Variants in RGS9 observed in about 807,000 individuals in gnomAD.
RGS9 encodes the protein regulator of G-protein signalling 9.
In RGS9, 78 loss-of-function variants were observed where a neutral mutation model predicts 102.0. The observed-to-expected ratio is 0.76, with a 90% CI of 0.64 to 0.92. The LOEUF (loss-of-function observed/expected upper bound fraction) is 0.92. Ranked by LOEUF, RGS9 falls within the 40% of genes least tolerant of loss-of-function variation. The pLI is 0.00. For missense variants in RGS9, 833 were observed against 866.1 expected (o/e 0.96, Z 0.48); for synonymous variants, 353 against 318.6 (o/e 1.11, Z -1.15).
chr17:65,194,765 T>G, intron 12 of RGS9, among the ~76,000 whole-genome samples: 1 of 151,192 alleles, frequency 6.6e-6, no homozygotes, highest in African/African-American at 2.4e-5. Flanking sequence ...CAGGCCTGAG[T>G]GTGTGAGGGA....
intron 17 of RGS9, among the ~76,000 whole-genome samples, chr17:65,219,300 G>GT (rs1913616964): frequency 6.6e-6 from 1 of 152,236 alleles, no homozygotes; most frequent in Non-Finnish European, 1.5e-5. Context: ...ATGTTTGGTA[G>GT]TGAAGGGACT....
intron 6 of RGS9, among the ~76,000 whole-genome samples, chr17:65,162,701 C>A (rs149207424): frequency 1.3e-5 from 2 of 151,718 alleles, no homozygotes; most frequent in South Asian, 2.1e-4. Context: ...GATCTCCTGA[C>A]CTTGTGATCT....
At chr17:65,156,440 G>T (rs1359793823) in intron 2 of RGS9, among the ~76,000 whole-genome samples, 3 of 152,214 alleles carry the variant, frequency 2.0e-5, no homozygotes, top group Non-Finnish European at 4.4e-5. Context: ...TGGCTTCCTT[G>T]TTCCTCCTGC....
At chr17:65,151,350 A>G (rs1248552350) in intron 1 of RGS9, among the ~76,000 whole-genome samples, 1 of 134,324 alleles carries the variant, frequency 7.4e-6, no homozygotes, top group Admixed American at 7.0e-5. Flanking sequence ...TCCCAAAAAA[A>G]AAAAAAAAGA....
chr17:65,210,883 G>C (rs1913268652), intron 17 of RGS9, among the ~76,000 whole-genome samples: 1 of 152,108 alleles, frequency 6.6e-6, no homozygotes, highest in Non-Finnish European at 1.5e-5. Flanking sequence ...GCGGTGGGTG[G>C]GAGAGGGGAT....
intron 15 of RGS9, among the ~76,000 whole-genome samples, chr17:65,207,389 G>A (rs1702063056): frequency 6.6e-6 from 1 of 152,178 alleles, no homozygotes; most frequent in Admixed American, 6.5e-5. Context: ...GACTGTTCAG[G>A]TAGTTGTTAA....
chr17:65,167,967 A>G (rs1464211427), intron 7 of RGS9, among the ~76,000 whole-genome samples: 2 of 152,100 alleles, frequency 1.3e-5, no homozygotes, highest in African/African-American at 4.8e-5. Context: ...GAAGTAAGAA[A>G]AGGCCACCGG....
chr17:65,206,920 T>C (rs2144102561), intron 15 of RGS9, among the ~76,000 whole-genome samples: 1 of 152,354 alleles, frequency 6.6e-6, no homozygotes, highest in Non-Finnish European at 1.5e-5. Context: ...CTCATAACTT[T>C]TACTGCTCCC....
At chr17:65,175,083 A>ATGTGTGTG (rs113500448) in intron 8 of RGS9, among the ~76,000 whole-genome samples, 1 of 149,018 alleles carries the variant, frequency 6.7e-6, no homozygotes, top group African/African-American at 2.5e-5. Flanking sequence ...AACCATATTA[A>ATGTGTGTG]TGTGTGTGTG....
chr17:65,145,248 G>A (rs1346752136), intron 1 of RGS9, among the ~76,000 whole-genome samples: 2 of 151,534 alleles, frequency 1.3e-5, no homozygotes, highest in Non-Finnish European at 2.9e-5. Flanking sequence ...CCCCCACCAC[G>A]CCTGGCTAAT....
chr17:65,223,895 C>T (rs918572475), intron 17 of RGS9, among the ~76,000 whole-genome samples: 1 of 151,616 alleles, frequency 6.6e-6, no homozygotes, highest in Non-Finnish European at 1.5e-5. Context: ...GGATTACAGG[C>T]ACCCACCACC....
At chr17:65,149,080 G>A (rs551197089) in intron 1 of RGS9, among the ~76,000 whole-genome samples, 3 of 151,938 alleles carry the variant, frequency 2.0e-5, no homozygotes, top group Admixed American at 6.6e-5. Context: ...TCCTGCCTCA[G>A]CCTCCTGAGT....
At chr17:65,160,648 C>T (rs1910947567) in intron 5 of RGS9, 61 bp downstream of exon 5, 13 of 1,569,484 alleles carry the variant, frequency 8.3e-6, no homozygotes, top group Admixed American at 1.7e-5. Flanking sequence ...TATTTACTTG[C>T]TGCACTTTGG....
intron 8 of RGS9, 39 bp from the exon 9 acceptor site, chr17:65,177,693 C>A: frequency 6.3e-7 from 1 of 1,580,256 alleles, no homozygotes; most frequent in Non-Finnish European, 8.7e-7. Flanking sequence ...ACTGGAGACT[C>A]TCCCTGTAAT....
At chr17:65,150,095 G>C (rs141393568) in intron 1 of RGS9, among the ~76,000 whole-genome samples, 1 of 152,310 alleles carries the variant, frequency 6.6e-6, no homozygotes, top group South Asian at 2.1e-4. Context: ...GGGTAATGGC[G>C]GGAATGTGGA....
At position 65,227,628 on chromosome 17, in the gene RGS9, A is replaced by G. The variant is rs1413669832; in HGVS notation, c.*221A>G. 3.3e-6 allele frequency: 2 copies of G among 603,862 alleles called. No homozygotes were observed. The highest frequency in any genetic ancestry group is 3.7e-5 in the African/African-American group (2 of 54,090). 37.4% of individuals were successfully genotyped at this position (603,862 alleles called of 1,614,324 possible). A position where few individuals can be genotyped will look rare whatever the true frequency, so the allele number is the denominator to read the frequency against. On this transcript the variant is annotated 3_prime_UTR_variant, in exon 19 of 19. Coordinates refer to ENST00000262406, the MANE Select transcript of RGS9 (RefSeq NM_003835.4). ...TCCTGACCCTCCCTCCCCTGGGCAG[A>G]AGAAACGCATGTGGACCAGAAGACT...
intron 15 of RGS9, among the ~76,000 whole-genome samples, chr17:65,206,903 C>T (rs1236419447): frequency 1.3e-5 from 2 of 152,198 alleles, no homozygotes; most frequent in South Asian, 4.1e-4. Context: ...TAGACTCTAT[C>T]CTAGTTCTCA....
rs1443800819 is a variant in RGS9 at position 65,158,297 on chromosome 17, A to G, written c.157A>G (p.Ser53Gly). ...VTSVPHAMTG[S>G]DVLQWIVQRL... ...CGCAAATGTCTCTTGTTTTTCAGGA[A>G]GTGATGTTCTGCAATGGATCGTCCA... The change falls in exon 3 of 19, where the codon AGT (serine) becomes GGT (glycine). Residue 53 changes from serine to glycine, a missense_variant and splice_region_variant. Ser to Gly is a moderately conservative substitution (Grantham distance 56). This residue lies in a region of RGS9 where 328 missense variants were observed against 340.6 expected (regional missense o/e 0.96). Coordinates refer to ENST00000262406, the MANE Select transcript of RGS9 (RefSeq NM_003835.4). The G allele has an allele frequency of 1.2e-6, 2 of 1,614,120 alleles. No individual in the cohort carries two copies. The highest frequency in any genetic ancestry group is 2.7e-5 in the African/African-American group (2 of 75,026).
chr17:65,224,528 C>T (rs1011665621), intron 17 of RGS9, among the ~76,000 whole-genome samples: 7 of 152,230 alleles, frequency 4.6e-5, no homozygotes, highest in African/African-American at 1.7e-4. Context: ...GTCAGGAAGG[C>T]ATGAGCTGGG....
Sources: gnomAD v4.1 joint callset for allele counts (sites outside exome capture counted in the v4.1 genomes callset) on GRCh38, gnomAD v4.1.1 for gene constraint, gnomAD v4.1.1 regional missense constraint, MANE v1.5 for transcripts, NCBI Gene and HGNC (gene_info 2026-07-23, HGNC 2026-07-21) for gene names.